SLC30A7: variants seen among roughly 807,000 people sequenced by gnomAD.
SLC30A7 encodes the protein solute carrier family 30 member 7, also known as zinc transporter 7.
SLC30A7 carries 35 observed loss-of-function variants against 46.0 expected under a neutral mutation model. The ratio of observed to expected loss-of-function variants is 0.76; its 90% CI spans 0.58 to 1.01. The LOEUF (loss-of-function observed/expected upper bound fraction) is 1.01, where lower values mean the gene tolerates loss of function less well. SLC30A7 is among the 50% of genes least tolerant of loss of function. The pLI is 0.00. For synonymous variants in SLC30A7, 147 were observed against 157.8 expected (o/e 0.93, Z 0.51); for missense variants, 464 against 451.1 (o/e 1.03, Z -0.26).
chr1:100,937,101 ATTAT>A (rs1654013017), intron 8 of SLC30A7, among the ~76,000 whole-genome samples: 1 of 152,072 alleles, frequency 6.6e-6, no homozygotes, highest in Admixed American at 6.6e-5. Context: ...ACATGTTCTT[ATTAT>A]TTATTTACCT....
rs1442431118 is a variant in SLC30A7, at chr1:100,979,459, GAAAA to G, written c.*4603_*4606del. The stretch of plus-strand genomic sequence containing the variant: ...TCCAAAAAAAAAAAAAAAAAAAAAA[GAAAA>G]GGAGCAGGGAAGGACAGTTCTAGTT... On this transcript the variant is annotated 3_prime_UTR_variant, in exon 11 of 11. Coordinates refer to ENST00000357650, the MANE Select transcript of SLC30A7 (RefSeq NM_133496.5). 1 of 108,548 alleles carries G rather than the reference GAAAA, an allele frequency of 9.2e-6. No individual in the cohort carries two copies. Among genetic ancestry groups the G allele is most frequent in the Non-Finnish European group, 2.0e-5 (1 of 49,478 alleles). The allele number at this position is 108,548 out of a possible 1,614,324, so 6.7% of individuals were successfully genotyped here. A position where few individuals can be genotyped will look rare whatever the true frequency, so the allele number is the denominator to read the frequency against.
At chr1:100,905,755 T>C (rs1181404266) in intron 2 of SLC30A7, among the ~76,000 whole-genome samples, 2 of 152,220 alleles carry the variant, frequency 1.3e-5, no homozygotes, top group Admixed American at 6.5e-5. Flanking sequence ...TATTCTTTTA[T>C]AGTTTTTATC....
At chr1:100,940,706 C>T (rs1304789923) in intron 8 of SLC30A7, among the ~76,000 whole-genome samples, 1 of 152,176 alleles carries the variant, frequency 6.6e-6, no homozygotes, top group Non-Finnish European at 1.5e-5. Flanking sequence ...CGGACTATAA[C>T]ATTTAGCAAT....
chr1:100,952,610 A>C (rs531707114), intron 8 of SLC30A7, among the ~76,000 whole-genome samples: 1 of 152,304 alleles, frequency 6.6e-6, no homozygotes, highest in African/African-American at 2.4e-5. Flanking sequence ...AAGAAAAAAA[A>C]CAAAGAGATA....
At chr1:100,921,248 A>T (rs1166077535) in intron 7 of SLC30A7, among the ~76,000 whole-genome samples, 4 of 152,120 alleles carry the variant, frequency 2.6e-5, no homozygotes, top group Non-Finnish European at 4.4e-5. Flanking sequence ...GTTTATGGGA[A>T]ATTGTAGTCC....
Position 100,976,389 on chromosome 1 carries a change from A to T in SLC30A7, c.*1532A>T, listed in dbSNP as rs181179847. 3.7e-4 allele frequency: 57 copies of T among 152,344 alleles called. No individual in the cohort carries two copies. In the East Asian group the frequency reaches 0.011, roughly 28 times the overall value. 9.4% of individuals were successfully genotyped at this position (152,344 alleles called of 1,614,324 possible). A position where few individuals can be genotyped will look rare whatever the true frequency, so the allele number is the denominator to read the frequency against. ...TTGAATTATTAAAGGTACAGAGGAA[A>T]TGTGGTGATGTAGAACTTTTCCTAA... On this transcript the variant is annotated 3_prime_UTR_variant, in exon 11 of 11. Transcript: ENST00000357650.
chr1:100,909,276 C>T (rs1383370073), intron 3 of SLC30A7, among the ~76,000 whole-genome samples: 1 of 152,026 alleles, frequency 6.6e-6, no homozygotes, highest in Non-Finnish European at 1.5e-5. Flanking sequence ...ACTGACTCTG[C>T]AATAGAAGAA....
At chr1:100,956,954 C>T (rs1356186005) in intron 8 of SLC30A7, among the ~76,000 whole-genome samples, 1 of 152,192 alleles carries the variant, frequency 6.6e-6, no homozygotes, top group South Asian at 2.1e-4. Flanking sequence ...TTTCCATTGC[C>T]TTCTCTGCAG....
In SLC30A7 at chr1:100,921,737, T is replaced by G. The variant is rs761883679; in HGVS notation, c.738T>G (p.Leu246=). The change falls in exon 8 of 11, where the codon CTT becomes CTG. Residue 246 remains leucine (L), a synonymous_variant. Transcript: ENST00000357650. ...TTTTACATATCCTAGCAGATACACT[T>G]GGAAGTATTGGTGTAATTGCTTCTG... ...GVFLHILADT[L]GSIGVIASAI... is the part of the protein sequence containing the mutation. 1 of 1,612,304 alleles carries G rather than the reference T, an allele frequency of 6.2e-7. No individual in the cohort carries two copies. The highest frequency in any genetic ancestry group is 8.5e-7 in the Non-Finnish European group (1 of 1,178,770).
chr1:100,906,367 G>A (rs1651669577), intron 2 of SLC30A7, among the ~76,000 whole-genome samples: 1 of 152,156 alleles, frequency 6.6e-6, no homozygotes, highest in African/African-American at 2.4e-5. Context: ...GTGTCAGGGT[G>A]AGTATTAATG....
chr1:100,983,481 A>C (rs1657098013), downstream of SLC30A7, among the ~76,000 whole-genome samples: 1 of 152,102 alleles, frequency 6.6e-6, no homozygotes, highest in African/African-American at 2.4e-5. Context: ...TTTATCTGCT[A>C]ATGTTGACAG....
intron 10 of SLC30A7, chr1:100,972,321 C>A: frequency 3.1e-6 from 1 of 320,544 alleles, no homozygotes; most frequent in Non-Finnish European, 6.5e-6. Flanking sequence ...TTGAAGCTGT[C>A]CTCATCGGGC....
chr1:100,948,756 A>G (rs1393177157), intron 8 of SLC30A7, among the ~76,000 whole-genome samples: 1 of 152,004 alleles, frequency 6.6e-6, no homozygotes, highest in Non-Finnish European at 1.5e-5. Context: ...TTTTTTCTCT[A>G]AACTTGTCTT....
intron 8 of SLC30A7, among the ~76,000 whole-genome samples, chr1:100,956,146 G>A (rs149053700): frequency 8.3e-4 from 127 of 152,110 alleles, no homozygotes; most frequent in Non-Finnish European, 1.6e-3. Context: ...TATCAGTGAT[G>A]ATGTCTTATA....
chr1:100,948,031 G>T (rs1654745107), intron 8 of SLC30A7, among the ~76,000 whole-genome samples: 1 of 152,046 alleles, frequency 6.6e-6, no homozygotes, highest in East Asian at 1.9e-4. Flanking sequence ...TTTAATTGGG[G>T]CATTTAACCC....
intron 8 of SLC30A7, among the ~76,000 whole-genome samples, chr1:100,947,356 C>T (rs1490747006): frequency 6.6e-6 from 1 of 152,038 alleles, no homozygotes; most frequent in Non-Finnish European, 1.5e-5. Flanking sequence ...TTTCCATGTA[C>T]TTGTGTGGTT....
At chr1:100,941,866 C>G (rs1654371220) in intron 8 of SLC30A7, 1 of 457,464 alleles carries the variant, frequency 2.2e-6, no homozygotes, top group Non-Finnish European at 4.1e-6. Flanking sequence ...ACCACACACT[C>G]TGTGAGTGTT....
intron 3 of SLC30A7, among the ~76,000 whole-genome samples, chr1:100,908,630 T>C (rs1200526168): frequency 2.0e-5 from 3 of 152,188 alleles, no homozygotes; most frequent in Non-Finnish European, 4.4e-5. Flanking sequence ...ACAGCTCAGA[T>C]AAGAACGCTT....
At chr1:100,963,383 G>T (rs1301919588) in intron 9 of SLC30A7, among the ~76,000 whole-genome samples, 1 of 152,124 alleles carries the variant, frequency 6.6e-6, no homozygotes, top group African/African-American at 2.4e-5. Flanking sequence ...TGGGGTCAAG[G>T]AGGGTAAAAA....
Sources: gnomAD v4.1 joint callset for allele counts (sites outside exome capture counted in the v4.1 genomes callset) on GRCh38, gnomAD v4.1.1 for gene constraint, MANE v1.5 for transcripts, NCBI Gene and HGNC (gene_info 2026-07-23, HGNC 2026-07-21) for gene names.